The following SPEG variants were observed in gnomAD, a reference collection of about 807,000 sequenced individuals.
SPEG encodes striated muscle enriched protein kinase.
A neutral mutation model predicts 300.4 loss-of-function variants in SPEG; 114 were observed. That is an observed-to-expected ratio of 0.38 (90% CI 0.33 to 0.44). The LOEUF (loss-of-function observed/expected upper bound fraction) is 0.44. Among genes scored for constraint, SPEG ranks in the 20% least tolerant of loss-of-function variants. SPEG has a pLI of 1.00. For synonymous variants in SPEG, 1,964 were observed against 2,018.9 expected (o/e 0.97, Z 0.73); for missense variants, 4,201 against 4,586.2 (o/e 0.92, Z 2.43).
chr2:219,446,075 C>T (rs747506857), intron 3 of SPEG, among the ~76,000 whole-genome samples: 2 of 148,696 alleles, frequency 1.3e-5, no homozygotes, highest in Admixed American at 6.7e-5. Context: ...CAGCTACCAC[C>T]GTGCAGGAGA....
chr2:219,488,672 C>A lies in SPEG; in HGVS notation c.8026+7C>A. 6.2e-7 allele frequency: 1 copy of A among 1,601,576 alleles called. No homozygotes were observed. Among genetic ancestry groups the A allele is most frequent in the Non-Finnish European group, 8.5e-7 (1 of 1,172,856 alleles). ...TGTACCGTGGCTGTGGCCCGTGAGC[C>A]TGGGGCAGGGCCCCAGGGGGGTAGT... On this transcript the variant is annotated splice_region_variant and intron_variant, in intron 33 of 40. Transcript: ENST00000312358.
chr2:219,454,047 T>C (rs1387258146), intron 6 of SPEG, among the ~76,000 whole-genome samples: 2 of 152,118 alleles, frequency 1.3e-5, no homozygotes, highest in Non-Finnish European at 2.9e-5. Flanking sequence ...GCCACCGCCC[T>C]CTCTTGCTCC....
At position 219,489,537 on chromosome 2, in the gene SPEG, C is replaced by T. The variant is rs753512638; in HGVS notation, c.8519C>T (p.Pro2840Leu). Residue 2840 changes from proline to leucine, a missense_variant, in exon 36 of 41, where the codon CCA (proline) becomes CTA (leucine). Pro to Leu is a moderately conservative substitution (Grantham distance 98). This residue lies in a region of SPEG where 1,578 missense variants were observed against 1,506.0 expected (regional missense o/e 1.05). Transcript: ENST00000312358. ...QALSSLKAVG[P>L]PPQTPPRRHR... Reference sequence around the variant, plus strand: ...TTGTCCTCGCTCAAGGCTGTGGGTCCACCACCCCAAACCCCTCCACGAAGA... The same window carrying T: ...TTGTCCTCGCTCAAGGCTGTGGGTCTACCACCCCAAACCCCTCCACGAAGA... 6.2e-7 allele frequency: 1 copy of T among 1,613,492 alleles called. No homozygotes were observed. The highest frequency in any genetic ancestry group is 8.5e-7 in the Non-Finnish European group (1 of 1,179,902).
Position 219,477,736 on chromosome 2 carries a change from C to A in SPEG, c.4777C>A (p.Arg1593=). 1 of 1,608,638 alleles carries A rather than the reference C, an allele frequency of 6.2e-7. No individual in the cohort carries two copies. Among genetic ancestry groups the A allele is most frequent in the Non-Finnish European group, 8.5e-7 (1 of 1,176,510 alleles). Residue 1593 remains arginine (R), a synonymous_variant, in exon 21 of 41, where the codon CGA becomes AGA. Coordinates refer to ENST00000312358, the MANE Select transcript of SPEG (RefSeq NM_005876.5). The surrounding 1 kb of genome is among the most constrained non-coding windows in gnomAD (Gnocchi z 6.4). ...GGGGGTCGGGGAGGATGAGGACCATCGAGGAAGGAGACTCAGCGACTTTTA... is the reference window on the plus strand; with the variant it reads ...GGGGGTCGGGGAGGATGAGGACCATAGAGGAAGGAGACTCAGCGACTTTTA... ...VEGVGEDEDH[R]GRRLSDFYDI...
intron 38 of SPEG, among the ~76,000 whole-genome samples, chr2:219,491,188 A>G (rs550197918): frequency 6.6e-6 from 1 of 152,240 alleles, no homozygotes; most frequent in Non-Finnish European, 1.5e-5. Flanking sequence ...GATTTGTGCA[A>G]TCAGACAATT....
In SPEG at chr2:219,490,988, A is replaced by G. The variant is rs775211663; in HGVS notation, c.9385+32A>G. The G allele has an allele frequency of 5.1e-6, 8 of 1,572,654 alleles. No individual in the cohort carries two copies. In the African/African-American group the frequency reaches 1.1e-4, roughly 21 times the overall value. ...GGACCAGCTGCCAGCCAGGGTGGGG[A>G]CAGGGCCCTGCCAGAGAGGCAGCAG... On this transcript the variant is annotated intron_variant, in intron 38 of 40. Transcript: ENST00000312358.
At position 219,463,392 on chromosome 2, in the gene SPEG, A is replaced by ATTTTTTTTTTT. The variant is rs71040459; in HGVS notation, c.2706-1013_2706-1003dup. Among the ~76,000 whole-genome samples the ATTTTTTTTTTT allele has an allele frequency of 2.5e-4, 6 of 23,946 alleles. 1 individual carries two copies. The highest frequency in any genetic ancestry group is 4.1e-4 in the Non-Finnish European group (6 of 14,670). The allele number at this position is 23,946 out of a possible 152,430, so 15.7% of individuals were successfully genotyped here. ...AATTGATTGTCTGGTCCCCACTGTG[A>ATTTTTTTTTTT]TTTTTTTTTTTTTTTTTTTTTTTTT... is the stretch of plus-strand genomic sequence containing the variant. On this transcript the variant is annotated intron_variant, in intron 8 of 40. Coordinates refer to ENST00000312358, the MANE Select transcript of SPEG (RefSeq NM_005876.5).
chr2:219,442,254 G>T (rs1166096190), intron 1 of SPEG, among the ~76,000 whole-genome samples: 1 of 151,594 alleles, frequency 6.6e-6, no homozygotes, highest in Admixed American at 6.5e-5. Context: ...GGGCGCCCGG[G>T]TCTGTGTCCT....
intron 34 of SPEG, 53 bp from the exon 35 acceptor site, chr2:219,489,001 G>T: frequency 6.2e-7 from 1 of 1,608,396 alleles, no homozygotes; most frequent in Non-Finnish European, 8.5e-7. Context: ...AGCACCGTGG[G>T]AGCTGGGGCC....
At position 219,484,343 on chromosome 2, in the gene SPEG, G is replaced by T. The variant is rs1343563542; in HGVS notation, c.6880G>T (p.Val2294Leu). The change falls in exon 30 of 41, where the codon GTG becomes TTG. Residue 2294 changes from valine to leucine, a missense_variant. Val to Leu is a conservative substitution (Grantham distance 32). Around this residue, in one of 4 missense-constraint regions of SPEG, gnomAD observed 1,578 missense variants for 1,506.0 expected, o/e 1.05. Transcript: ENST00000312358. Reference sequence around the variant, plus strand: ...ACCTCCGGGAGCCCCCGAGAAGCGCGTGCCCTCAGCCGGGGGTCCCCCGGT... The same window carrying T: ...ACCTCCGGGAGCCCCCGAGAAGCGCTTGCCCTCAGCCGGGGGTCCCCCGGT... Reference protein sequence around the residue: ...SPPPGAPEKRVPSAGGPPVLA... With the variant: ...SPPPGAPEKRLPSAGGPPVLA... The T allele has an allele frequency of 1.2e-6, 2 of 1,604,600 alleles. No individual in the cohort carries two copies. The highest frequency in any genetic ancestry group is 2.7e-5 in the African/African-American group (2 of 74,856).
rs1689119524 is a variant in SPEG at position 219,444,239 on chromosome 2, G to T, written c.389-414G>T. ...TACGACTCTGAGGTGACTCCTCTTT[G>T]TTCCTGGGGTACTGGAACCCAGACT... On this transcript the variant is annotated intron_variant, in intron 1 of 40. Transcript: ENST00000312358. The surrounding 1 kb of genome is among the most constrained non-coding windows in gnomAD (Gnocchi z 7.8). 6.6e-6 allele frequency among the ~76,000 whole-genome samples: 1 copy of T among 152,190 alleles called. No homozygotes were observed. Among genetic ancestry groups the T allele is most frequent in the African/African-American group, 2.4e-5 (1 of 41,448 alleles).
intron 30 of SPEG, 58 bp from the exon 31 acceptor site, chr2:219,485,288 G>A: frequency 6.4e-7 from 1 of 1,563,204 alleles, no homozygotes; most frequent in Non-Finnish European, 8.7e-7. Context: ...GGGCTGCAGA[G>A]AGGTGGGAAC....
rs149013798 is a variant in SPEG, at chr2:219,443,227, G to A, written c.389-1426G>A. On this transcript the variant is annotated intron_variant, in intron 1 of 40. Transcript: ENST00000312358. The surrounding 1 kb of genome is among the most constrained non-coding windows in gnomAD (Gnocchi z 4.6). Reference sequence around the variant, plus strand: ...GGTCCCTGTCCCTCTGTGAGGCATCGAGTTCCTGAAGACAGCCCATGAGAT... The same window carrying A: ...GGTCCCTGTCCCTCTGTGAGGCATCAAGTTCCTGAAGACAGCCCATGAGAT... 6.3e-6 allele frequency: 9 copies of A among 1,425,622 alleles called. No individual in the cohort carries two copies. Among genetic ancestry groups the A allele is most frequent in the African/African-American group, 2.8e-5 (2 of 71,224 alleles). The allele number at this position is 1,425,622 out of a possible 1,614,324, so 88.3% of individuals were successfully genotyped here.
chr2:219,453,765 T>A (rs1233621246), intron 6 of SPEG, among the ~76,000 whole-genome samples: 1 of 152,264 alleles, frequency 6.6e-6, no homozygotes, highest in Non-Finnish European at 1.5e-5. Flanking sequence ...GACTTGGCTC[T>A]GGCTGTTGTG....
Position 219,467,433 on chromosome 2 carries a change from AG to A in SPEG, c.3142+1del. Reference sequence around the variant, plus strand: ...ACACCTGCAAGCTCAGCACGGCCAAAGGTAACTCCCCACTCAGGCATTGGGC... The same window carrying A: ...ACACCTGCAAGCTCAGCACGGCCAAAGTAACTCCCCACTCAGGCATTGGGC... ...VYTCKLSTAK[D>X]ELTCSARLTV... On this transcript the variant is annotated frameshift_variant and splice_region_variant, in exon 10 of 41. Transcript: ENST00000312358. LOFTEE classifies it high-confidence loss of function. 1 of 1,597,238 alleles carries A rather than the reference AG, an allele frequency of 6.3e-7. No homozygotes were observed. Among genetic ancestry groups the A allele is most frequent in the Non-Finnish European group, 8.6e-7 (1 of 1,169,188 alleles).
At position 219,483,731 on chromosome 2, in the gene SPEG, C is replaced by T. The variant is rs1197973652; in HGVS notation, c.6268C>T (p.Pro2090Ser). The part of the protein sequence containing the change: ...EDGKVSGLRG[P>S]LLESLGGRAR... ...TGGCAAGGTCAGCGGCCTCAGGGGTCCCCTGCTGGAGAGCCTGGGGGGCCG... is the reference window on the plus strand; with the variant it reads ...TGGCAAGGTCAGCGGCCTCAGGGGTTCCCTGCTGGAGAGCCTGGGGGGCCG... Residue 2090 changes from proline to serine, a missense_variant, in exon 30 of 41, where the codon CCC becomes TCC. By Grantham distance (74) the Pro-to-Ser change is moderately conservative. Transcript: ENST00000312358. 1.3e-6 allele frequency: 2 copies of T among 1,536,628 alleles called. No individual in the cohort carries two copies. The highest frequency in any genetic ancestry group is 1.7e-6 in the Non-Finnish European group (2 of 1,148,048).
chr2:219,468,806 G>A, intron 11 of SPEG, 53 bp from the exon 12 acceptor site: 1 of 1,607,922 alleles, frequency 6.2e-7, no homozygotes, highest in South Asian at 1.1e-5. Context: ...TGCACCCAGA[G>A]GGCAGGGCCC....
intron 6 of SPEG, among the ~76,000 whole-genome samples, chr2:219,453,746 G>T (rs1444795384): frequency 2.6e-5 from 4 of 152,244 alleles, no homozygotes; most frequent in Non-Finnish European, 5.9e-5. Context: ...GGGCAGGCAT[G>T]TGGGTCCAGA....
intron 38 of SPEG, 71 bp from the exon 39 acceptor site, chr2:219,491,723 C>A (rs2125604721): frequency 8.0e-7 from 1 of 1,253,440 alleles, no homozygotes; most frequent in East Asian, 2.4e-5. Context: ...CTCAAGCACC[C>A]AGGGACCTCC....
Sources: gnomAD v4.1 joint callset for allele counts (sites outside exome capture counted in the v4.1 genomes callset) on GRCh38, gnomAD v4.1.1 for gene constraint, gnomAD v4.1.1 regional missense constraint, Gnocchi (gnomAD v3.1) non-coding constraint, MANE v1.5 for transcripts, NCBI Gene and HGNC (gene_info 2026-07-23, HGNC 2026-07-21) for gene names.